Variants in SPIRE1 observed in about 807,000 individuals in gnomAD.
The protein encoded by SPIRE1 is spire type actin nucleation factor 1.
A neutral mutation model predicts 94.1 loss-of-function variants in SPIRE1; 40 were observed. The ratio of observed to expected loss-of-function variants is 0.43; its 90% CI spans 0.33 to 0.55. The LOEUF is 0.55. Ranked by LOEUF, SPIRE1 falls within the 20% of genes least tolerant of loss-of-function variation. The pLI is 0.06. For synonymous variants in SPIRE1, 376 were observed against 371.7 expected (o/e 1.01, Z -0.13); for missense variants, 838 against 975.2 (o/e 0.86, Z 1.87).
At chr18:12,651,472 G>A (rs1051849082) in intron 1 of SPIRE1, among the ~76,000 whole-genome samples, 9 of 152,062 alleles carry the variant, frequency 5.9e-5, no homozygotes, top group African/African-American at 1.4e-4. Context: ...GTCAGGAGAT[G>A]TAGACCATTC....
chr18:12,655,318 T>C (rs2038509668), intron 1 of SPIRE1, among the ~76,000 whole-genome samples: 1 of 152,094 alleles, frequency 6.6e-6, no homozygotes, highest in Non-Finnish European at 1.5e-5. Context: ...AATTTTTAAG[T>C]GTGCACACCA....
intron 16 of SPIRE1, chr18:12,451,026 GGGAGGAGGAGGA>G: frequency 1.9e-6 from 1 of 528,488 alleles, no homozygotes; most frequent in South Asian, 1.9e-5. Context: ...GAAGAAGGAG[GGGAGGAGGAGGA>G]GGAGGAGGAG....
intron 2 of SPIRE1, among the ~76,000 whole-genome samples, chr18:12,609,881 T>C (rs1232882988): frequency 6.6e-6 from 1 of 151,598 alleles, no homozygotes; most frequent in Non-Finnish European, 1.5e-5. Flanking sequence ...GAAGTAACGG[T>C]TCCCTAGATC....
At position 12,449,456 on chromosome 18, in the gene SPIRE1, C is replaced by T. The variant is rs549759215; in HGVS notation, c.*182G>A. Reference sequence around the variant, plus strand: ...AAACGAGCAATTGGCGGACCTGTCACGTTTCATCAATCGATACGAACACAG... The same window carrying T: ...AAACGAGCAATTGGCGGACCTGTCATGTTTCATCAATCGATACGAACACAG... On this transcript the variant is annotated 3_prime_UTR_variant, in exon 17 of 17. Coordinates refer to ENST00000409402, the MANE Select transcript of SPIRE1 (RefSeq NM_001128626.2). 25 of 653,366 alleles carry T rather than the reference C, an allele frequency of 3.8e-5. 1 individual carries two copies. The highest frequency in any genetic ancestry group is 2.2e-4 in the South Asian group (11 of 49,800). The allele number at this position is 653,366 out of a possible 1,614,324, so 40.5% of individuals were successfully genotyped here. A position where few individuals can be genotyped will look rare whatever the true frequency, so the allele number is the denominator to read the frequency against.
intron 1 of SPIRE1, among the ~76,000 whole-genome samples, chr18:12,653,661 T>C (rs1327559645): frequency 1.3e-5 from 2 of 152,184 alleles, no homozygotes; most frequent in South Asian, 2.1e-4. Context: ...TTAGAAAATA[T>C]ATCAGGCCGG....
At position 12,559,729 on chromosome 18, in the gene SPIRE1, C is replaced by CCAAAG. The variant is rs1441392202; in HGVS notation, c.373-12830_373-12826dup. On this transcript the variant is annotated intron_variant, in intron 2 of 16. Transcript: ENST00000409402. This position sits in a 1 kb window ranked among gnomAD's most constrained non-coding sequence, Gnocchi z 4.7. ...AGTAATAACCCACAGGCACAGGGAA[C>CCAAAG]CAAAGCAAAAATTGACAAATGGGAT... 6.6e-6 allele frequency among the ~76,000 whole-genome samples: 1 copy of CCAAAG among 152,134 alleles called. No individual in the cohort carries two copies. The highest frequency in any genetic ancestry group is 2.4e-5 in the African/African-American group (1 of 41,414).
chr18:12,462,796 A>C (rs1406742345), intron 12 of SPIRE1, among the ~76,000 whole-genome samples: 2 of 152,148 alleles, frequency 1.3e-5, no homozygotes, highest in African/African-American at 2.4e-5. Flanking sequence ...TGAAAGAAAG[A>C]AAGCATTTCT....
chr18:12,525,276 CAAAAAAA>C (rs1170791088), intron 4 of SPIRE1, among the ~76,000 whole-genome samples: 4 of 71,498 alleles, frequency 5.6e-5, no homozygotes, highest in African/African-American at 1.7e-4. Context: ...GACTCCGTCT[CAAAAAAA>C]AAAAAAAAAA....
At chr18:12,509,453 A>T (rs1287974848) in intron 5 of SPIRE1, among the ~76,000 whole-genome samples, 2 of 152,224 alleles carry the variant, frequency 1.3e-5, no homozygotes, top group Admixed American at 1.3e-4. Flanking sequence ...TTTATTGGCC[A>T]AGATGATATA....
intron 3 of SPIRE1, among the ~76,000 whole-genome samples, chr18:12,541,386 T>C (rs1341584126): frequency 6.6e-6 from 1 of 152,226 alleles, no homozygotes; most frequent in Non-Finnish European, 1.5e-5. Context: ...ATATTTGTAC[T>C]GATACTAAGA....
chr18:12,449,314 C>A lies in SPIRE1; in HGVS notation c.*324G>T. On this transcript the variant is annotated 3_prime_UTR_variant, in exon 17 of 17. Transcript: ENST00000409402. ...TCGTAGGAGAAGCTTTTTTTTTTTG[C>A]CTTAGTCAGGAGATTATTCGAGGAA... 1 of 259,954 alleles carries A rather than the reference C, an allele frequency of 3.8e-6. No individual in the cohort carries two copies. Among genetic ancestry groups the A allele is most frequent in the South Asian group, 5.6e-5 (1 of 17,896 alleles). 16.1% of individuals were successfully genotyped at this position (259,954 alleles called of 1,614,324 possible). A position where few individuals can be genotyped will look rare whatever the true frequency, so the allele number is the denominator to read the frequency against.
intron 2 of SPIRE1, among the ~76,000 whole-genome samples, chr18:12,564,390 G>A (rs1002537928): frequency 6.6e-6 from 1 of 152,062 alleles, no homozygotes; most frequent in Admixed American, 6.6e-5. Flanking sequence ...GCCATAAGGA[G>A]AAAGACAGTT....
intron 16 of SPIRE1, among the ~76,000 whole-genome samples, chr18:12,451,411 T>C (rs1423205955): frequency 6.6e-6 from 1 of 152,212 alleles, no homozygotes; most frequent in Non-Finnish European, 1.5e-5. Context: ...CCAGGAATCA[T>C]CTACTTATTT....
intron 3 of SPIRE1, among the ~76,000 whole-genome samples, chr18:12,541,078 C>T (rs1389344643): frequency 6.6e-6 from 1 of 152,176 alleles, no homozygotes; most frequent in Non-Finnish European, 1.5e-5. Flanking sequence ...CAGTTTATTT[C>T]CACTGTGATT....
At chr18:12,540,221 C>T (rs2034974654) in intron 3 of SPIRE1, among the ~76,000 whole-genome samples, 1 of 152,172 alleles carries the variant, frequency 6.6e-6, no homozygotes, top group South Asian at 2.1e-4. Context: ...GTGGCTTTTC[C>T]TTCCACTTTG....
intron 2 of SPIRE1, among the ~76,000 whole-genome samples, chr18:12,585,226 A>G (rs1186322382): frequency 2.0e-5 from 3 of 149,442 alleles, no homozygotes; most frequent in Admixed American, 6.6e-5. Flanking sequence ...ACATACACAT[A>G]TATGTTTGTG....
intron 14 of SPIRE1, 92 bp downstream of exon 14, chr18:12,452,976 C>G: frequency 2.5e-6 from 2 of 789,396 alleles, no homozygotes; most frequent in Non-Finnish European, 4.0e-6. Context: ...TAATTTTATT[C>G]CTGTTTAGAA....
At chr18:12,645,004 G>C (rs1313982579) in intron 1 of SPIRE1, among the ~76,000 whole-genome samples, 1 of 152,078 alleles carries the variant, frequency 6.6e-6, no homozygotes, top group Non-Finnish European at 1.5e-5. Flanking sequence ...CCAGTACTTT[G>C]GGAGGCCAAG....
chr18:12,473,352 A>G (rs890447378), intron 10 of SPIRE1, among the ~76,000 whole-genome samples: 5 of 152,236 alleles, frequency 3.3e-5, no homozygotes, highest in Non-Finnish European at 7.3e-5. Context: ...AAATATAACA[A>G]TGTTCACATA....
Sources: gnomAD v4.1 joint callset for allele counts (sites outside exome capture counted in the v4.1 genomes callset) on GRCh38, gnomAD v4.1.1 for gene constraint, Gnocchi (gnomAD v3.1) non-coding constraint, MANE v1.5 for transcripts, NCBI Gene and HGNC (gene_info 2026-07-23, HGNC 2026-07-21) for gene names.